SMARCA2: variants seen among roughly 807,000 people sequenced by gnomAD.
SMARCA2 encodes SWI/SNF related BAF chromatin remodeling complex subunit ATPase 2, also known as SWI/SNF-related matrix-associated actin-dependent regulator of chromatin subfamily A member 2.
A neutral mutation model predicts 199.8 loss-of-function variants in SMARCA2; 61 were observed. The observed-to-expected ratio is 0.31, with a 90% CI of 0.25 to 0.38. The LOEUF is 0.38. Ranked by LOEUF, SMARCA2 falls within the 10% of genes least tolerant of loss-of-function variation. SMARCA2 has a pLI of 1.00. For synonymous variants in SMARCA2, 935 were observed against 732.0 expected (o/e 1.28, Z -4.48); for missense variants, 1,344 against 2,012.2 (o/e 0.67, Z 6.35).
chr9:2,023,931 C>T (rs1241094788), intron 1 of SMARCA2, among the ~76,000 whole-genome samples: 1 of 152,160 alleles, frequency 6.6e-6, no homozygotes, highest in African/African-American at 2.4e-5. Flanking sequence ...TTGCAGTTCT[C>T]CTGTAACAGC....
intron 29 of SMARCA2, among the ~76,000 whole-genome samples, chr9:2,171,279 A>G (rs73641006): frequency 0.013 from 2,053 of 152,256 alleles, 39 homozygotes; most frequent in African/African-American, 0.044. Flanking sequence ...TTTACCATCC[A>G]TATTTCAATT....
chr9:2,183,609 C>CT (rs1827212843), intron 31 of SMARCA2, among the ~76,000 whole-genome samples: 2 of 152,188 alleles, frequency 1.3e-5, no homozygotes, highest in Non-Finnish European at 2.9e-5. Flanking sequence ...ACCCTTCTGC[C>CT]TGCACATCAA....
intron 31 of SMARCA2, among the ~76,000 whole-genome samples, chr9:2,183,030 ATCTGCCCACCTCAGCC>A (rs947051341): frequency 5.9e-5 from 9 of 152,120 alleles, no homozygotes; most frequent in Non-Finnish European, 1.0e-4. Flanking sequence ...ACCTCAGGTG[ATCTGCCCACCTCAGCC>A]TCCCAAAGTG....
intron 27 of SMARCA2, among the ~76,000 whole-genome samples, chr9:2,142,481 A>T (rs1420082039): frequency 6.6e-6 from 1 of 152,180 alleles, no homozygotes; most frequent in Non-Finnish European, 1.5e-5. Context: ...AGAAGGTCAG[A>T]TAAACAGCTT....
At chr9:2,140,464 T>C (rs1469063215) in intron 27 of SMARCA2, among the ~76,000 whole-genome samples, 2 of 152,240 alleles carry the variant, frequency 1.3e-5, no homozygotes, top group African/African-American at 2.4e-5. Context: ...CACTGGTATA[T>C]ATTTTTATTT....
At chr9:2,153,853 T>G (rs1457498164) in intron 27 of SMARCA2, among the ~76,000 whole-genome samples, 1 of 152,098 alleles carries the variant, frequency 6.6e-6, no homozygotes, top group African/African-American at 2.4e-5. Flanking sequence ...TTGCTGGAAG[T>G]GTGTTTATCT....
chr9:2,144,207 T>C (rs578191559), intron 27 of SMARCA2, among the ~76,000 whole-genome samples: 13 of 151,956 alleles, frequency 8.6e-5, no homozygotes, highest in Admixed American at 6.6e-4. Context: ...TGTGAAGGAG[T>C]CTTCTCAGAT....
At chr9:2,066,854 T>C (rs28678235) in intron 9 of SMARCA2, among the ~76,000 whole-genome samples, 35,516 of 152,228 alleles carry the variant, frequency 0.23, 4,225 homozygotes, top group East Asian at 0.31. Flanking sequence ...GCTTAGAGAC[T>C]GTCCGAAGTC....
intron 27 of SMARCA2, chr9:2,159,081 CAATTT>C: frequency 1.4e-6 from 2 of 1,431,998 alleles, no homozygotes; most frequent in East Asian, 4.9e-5. Flanking sequence ...GTTCTGTTTG[CAATTT>C]AATTTGTTTT....
intron 5 of SMARCA2, among the ~76,000 whole-genome samples, chr9:2,049,898 G>A (rs970171888): frequency 1.3e-5 from 2 of 152,066 alleles, no homozygotes; most frequent in Non-Finnish European, 2.9e-5. Context: ...TTTATCATCC[G>A]ATCAAAGATT....
At position 2,039,699 on chromosome 9, in the gene SMARCA2, C is replaced by A; in HGVS notation, c.589C>A (p.Pro197Thr). 1 of 1,613,984 alleles carries A rather than the reference C, an allele frequency of 6.2e-7. No individual in the cohort carries two copies. Among genetic ancestry groups the A allele is most frequent in the Non-Finnish European group, 8.5e-7 (1 of 1,180,038 alleles). ...LAYKMLARGQ[P>T]LPETLQLAVQ... is the part of the protein sequence containing the mutation. ...TTATAAAATGCTGGCCCGAGGCCAG[C>A]CCCTCCCCGAAACGCTGCAGCTTGC... The change falls in exon 4 of 34, where the codon CCC (proline) becomes ACC (threonine). Residue 197 changes from proline (P) to threonine (T), a missense_variant. Physicochemically the swap from Pro to Thr is conservative, Grantham distance 38. Transcript: ENST00000349721. This position sits in a 1 kb window ranked among gnomAD's most constrained non-coding sequence, Gnocchi z 4.8.
intron 28 of SMARCA2, chr9:2,162,638 T>C (rs972701061): frequency 2.0e-5 from 3 of 152,224 alleles, no homozygotes; most frequent in Admixed American, 6.5e-5. Flanking sequence ...CGTGGTAATG[T>C]TTTTATTTGA....
At chr9:2,163,045 A>T (rs1463341476) in intron 28 of SMARCA2, 2 of 152,224 alleles carry the variant, frequency 1.3e-5, no homozygotes, top group Admixed American at 6.5e-5. Flanking sequence ...TTAGTTTTTC[A>T]TTATGGCTTT....
chr9:2,058,083 A>G, intron 7 of SMARCA2: 3 of 488,566 alleles, frequency 6.1e-6, no homozygotes, highest in Non-Finnish European at 3.7e-6. Context: ...GCTTACAACA[A>G]AAGGAACCCG....
At position 2,086,681 on chromosome 9, in the gene SMARCA2, T is replaced by C. The variant is rs1821816611; in HGVS notation, c.2527-148T>C. 3 of 784,982 alleles carry C rather than the reference T, an allele frequency of 3.8e-6. No individual in the cohort carries two copies. Among genetic ancestry groups the C allele is most frequent in the African/African-American group, 3.4e-5 (2 of 58,200 alleles). 48.6% of individuals were successfully genotyped at this position (784,982 alleles called of 1,614,324 possible). On this transcript the variant is annotated intron_variant, in intron 17 of 33. Coordinates refer to ENST00000349721, the MANE Select transcript of SMARCA2 (RefSeq NM_003070.5). This position sits in a 1 kb window ranked among gnomAD's most constrained non-coding sequence, Gnocchi z 4.3. ...TATGCGGCCTATCAGGCATGAGACA[T>C]TGTTGAGATTCCCTTGTCTCAAAGG...
intron 31 of SMARCA2, among the ~76,000 whole-genome samples, chr9:2,183,440 C>T (rs1298553983): frequency 6.6e-6 from 1 of 152,164 alleles, no homozygotes; most frequent in Non-Finnish European, 1.5e-5. Flanking sequence ...TTTAATTACA[C>T]CTCAATTACT....
chr9:2,137,759 G>C (rs1054364144), intron 27 of SMARCA2, among the ~76,000 whole-genome samples: 1 of 151,834 alleles, frequency 6.6e-6, no homozygotes, highest in African/African-American at 2.4e-5. Flanking sequence ...TTTATGCGTG[G>C]TAAGCACTCT....
At chr9:2,025,822 G>T (rs1818805167) in intron 1 of SMARCA2, among the ~76,000 whole-genome samples, 1 of 152,186 alleles carries the variant, frequency 6.6e-6, no homozygotes, top group African/African-American at 2.4e-5. Flanking sequence ...TGTAGAGGAA[G>T]AATAAGAGGC....
At chr9:2,054,776 C>T (rs1450629787) in intron 6 of SMARCA2, 53 bp downstream of exon 6, 2 of 1,587,878 alleles carry the variant, frequency 1.3e-6, no homozygotes, top group Admixed American at 1.7e-5. Context: ...TGTAATTGTT[C>T]CTAAAGTGTT....
Sources: gnomAD v4.1 joint callset for allele counts (sites outside exome capture counted in the v4.1 genomes callset) on GRCh38, gnomAD v4.1.1 for gene constraint, Gnocchi (gnomAD v3.1) non-coding constraint, MANE v1.5 for transcripts, NCBI Gene and HGNC (gene_info 2026-07-23, HGNC 2026-07-21) for gene names.